The following DDHD1 variants were observed in gnomAD, a reference collection of about 807,000 sequenced individuals.
DDHD1 encodes DDHD domain containing 1.
In DDHD1, 49 loss-of-function variants were observed where a neutral mutation model predicts 96.4. The observed-to-expected ratio is 0.51, with a 90% CI of 0.40 to 0.64. DDHD1 has a LOEUF of 0.64. DDHD1 is among the 30% of genes least tolerant of loss of function. The probability of loss-of-function intolerance (pLI) is 0.00; values close to 1 mark genes in which losing one functional copy is unlikely to be tolerated. For missense variants in DDHD1, 1,106 were observed against 1,161.2 expected, an observed-to-expected ratio of 0.95 and a Z score of 0.69; for synonymous variants, 442 against 446.5, an observed-to-expected ratio of 0.99 and a Z score of 0.13.
At chr14:53,132,042 C>T (rs1189532371) in intron 1 of DDHD1, among the ~76,000 whole-genome samples, 1 of 152,158 alleles carries the variant, frequency 6.6e-6, no homozygotes, top group Non-Finnish European at 1.5e-5. Context: ...GCCATCCTGA[C>T]AAAACCATTA....
Position 53,091,571 on chromosome 14 carries a change from C to T in DDHD1, c.1289+214G>A, listed in dbSNP as rs112916949. ...GGCTTCCTTATCCCTCTTCTCCATA[C>T]TGTGGGGAGAAAGATCAAACATTGT... On this transcript the variant is annotated intron_variant, in intron 4 of 12. Coordinates refer to ENST00000673822, the MANE Select transcript of DDHD1 (RefSeq NM_001160148.2). 6.4e-3 allele frequency among the ~76,000 whole-genome samples: 970 copies of T among 152,294 alleles called. 15 individuals are homozygous for T. Among genetic ancestry groups the T allele is most frequent in the African/African-American group, 0.022 (916 of 41,570 alleles).
At chr14:53,063,525 A>T (rs1203007845) in intron 6 of DDHD1, among the ~76,000 whole-genome samples, 2 of 151,750 alleles carry the variant, frequency 1.3e-5, no homozygotes, top group Non-Finnish European at 2.9e-5. Flanking sequence ...TACCAATAAG[A>T]TTTTCAAAGA....
intron 2 of DDHD1, among the ~76,000 whole-genome samples, chr14:53,094,172 G>A (rs564364917): frequency 3.9e-4 from 58 of 148,968 alleles, no homozygotes; most frequent in African/African-American, 1.3e-3. Context: ...GCAAGACTCC[G>A]TCTAAAAAAA....
At chr14:53,148,577 T>C (rs1220486356) in intron 1 of DDHD1, among the ~76,000 whole-genome samples, 1 of 151,784 alleles carries the variant, frequency 6.6e-6, no homozygotes, top group Non-Finnish European at 1.5e-5. Flanking sequence ...CCTCCCAAAG[T>C]GCTGGGATTA....
chr14:53,116,496 A>C (rs1888552800), intron 1 of DDHD1, among the ~76,000 whole-genome samples: 2 of 152,304 alleles, frequency 1.3e-5, no homozygotes, highest in South Asian at 2.1e-4. Flanking sequence ...CAACAAATGC[A>C]AAAGAATGGA....
chr14:53,084,512 T>C (rs761675868), intron 4 of DDHD1, among the ~76,000 whole-genome samples: 2 of 152,176 alleles, frequency 1.3e-5, no homozygotes, highest in Admixed American at 6.5e-5. Flanking sequence ...TCACGGGAAG[T>C]AATACATAAT....
chr14:53,084,397 T>C (rs952393412), intron 4 of DDHD1, among the ~76,000 whole-genome samples: 1 of 152,188 alleles, frequency 6.6e-6, no homozygotes, highest in African/African-American at 2.4e-5. Flanking sequence ...AACTGATACC[T>C]TCTTATTTAT....
At chr14:53,055,190 C>T (rs906865755) in intron 10 of DDHD1, among the ~76,000 whole-genome samples, 3 of 152,154 alleles carry the variant, frequency 2.0e-5, no homozygotes, top group Admixed American at 6.5e-5. Flanking sequence ...AAACATTGTG[C>T]CAGTACTGGA....
In DDHD1 at chr14:53,105,794, T is replaced by C. The variant is rs192454561; in HGVS notation, c.839-1938A>G. On this transcript the variant is annotated intron_variant, in intron 1 of 12. Transcript: ENST00000673822. ...TTTATGTTTACTAATATGATTGACA[T>C]ATTTGAACTCAACTCTATCTTTATA... Among the ~76,000 whole-genome samples the C allele has an allele frequency of 1.3e-3, 199 of 152,336 alleles. 3 individuals are homozygous for C. The highest frequency in any genetic ancestry group is 4.6e-3 in the African/African-American group (193 of 41,580).
chr14:53,123,572 T>C (rs1416891599), intron 1 of DDHD1, among the ~76,000 whole-genome samples: 1 of 152,136 alleles, frequency 6.6e-6, no homozygotes, highest in Non-Finnish European at 1.5e-5. Context: ...CTATGCACAG[T>C]AAAAACAAAT....
intron 1 of DDHD1, among the ~76,000 whole-genome samples, chr14:53,127,436 G>C (rs1477780182): frequency 6.6e-6 from 1 of 152,148 alleles, no homozygotes; most frequent in South Asian, 2.1e-4. Flanking sequence ...TTACAATGGG[G>C]ATTAATAAAA....
chr14:53,125,332 T>C (rs1013784073), intron 1 of DDHD1, among the ~76,000 whole-genome samples: 4 of 152,208 alleles, frequency 2.6e-5, no homozygotes, highest in Non-Finnish European at 5.9e-5. Context: ...GAATTTTATA[T>C]GCTTAGGGAA....
chr14:53,080,265 G>A (rs1303272095), intron 4 of DDHD1, among the ~76,000 whole-genome samples: 5 of 152,124 alleles, frequency 3.3e-5, no homozygotes, highest in Non-Finnish European at 5.9e-5. Context: ...GGAGGCTGAG[G>A]CAGAAGAATT....
intron 1 of DDHD1, among the ~76,000 whole-genome samples, chr14:53,137,130 T>C (rs977943979): frequency 2.0e-5 from 3 of 151,570 alleles, no homozygotes; most frequent in Admixed American, 6.6e-5. Context: ...AAATACAATA[T>C]AAAAAATAAA....
At position 53,064,341 on chromosome 14, in the gene DDHD1, T is replaced by C. The variant is rs577642882; in HGVS notation, c.1504-1136A>G. Among the ~76,000 whole-genome samples, 132 of 152,188 alleles carry C rather than the reference T, an allele frequency of 8.7e-4. 1 individual carries two copies. Among genetic ancestry groups the C allele is most frequent in the Middle Eastern group, 3.4e-3 (1 of 294 alleles). ...GACCTTGATTTTAAGACTTGTACCA[T>C]GTAAATCTCAAAGCACTAAAAGATA... On this transcript the variant is annotated intron_variant, in intron 6 of 12. Coordinates refer to ENST00000673822, the MANE Select transcript of DDHD1 (RefSeq NM_001160148.2).
chr14:53,093,589 T>TA (rs901887263), intron 2 of DDHD1, 145 bp from the exon 3 acceptor site: 14 of 1,069,924 alleles, frequency 1.3e-5, no homozygotes, highest in Non-Finnish European at 1.8e-5. Context: ...CTATTTCACA[T>TA]AAAAAAAGTT....
Position 53,152,531 on chromosome 14 carries a change from T to C in DDHD1, c.568A>G (p.Ile190Val). 1.9e-6 allele frequency: 3 copies of C among 1,613,456 alleles called. No individual in the cohort carries two copies. The highest frequency in any genetic ancestry group is 1.6e-4 in the Middle Eastern group (1 of 6,062). Residue 190 changes from isoleucine to valine, a missense_variant, in exon 1 of 13, where the codon ATC becomes GTC. Physicochemically the swap from Ile to Val is conservative, Grantham distance 29. Coordinates refer to ENST00000673822, the MANE Select transcript of DDHD1 (RefSeq NM_001160148.2). ...AGCAGGGTCCGGAAGGCGAGCTCGA[T>C]GCGGAGCGAGTCGTAGCCGATGAAG... The part of the protein sequence containing the change: ...KPFIGYDSLR[I>V]ELAFRTLLQT...
intron 1 of DDHD1, among the ~76,000 whole-genome samples, chr14:53,128,622 A>G (rs1426840800): frequency 6.6e-6 from 1 of 152,242 alleles, no homozygotes; most frequent in African/African-American, 2.4e-5. Context: ...TAGGAGCATA[A>G]GAAATTAAGT....
intron 2 of DDHD1, among the ~76,000 whole-genome samples, chr14:53,095,764 A>G (rs1372099114): frequency 2.6e-5 from 4 of 152,174 alleles, no homozygotes; most frequent in Non-Finnish European, 5.9e-5. Flanking sequence ...AAGCTCTTAT[A>G]TGTTTCTAAA....
Sources: allele counts gnomAD v4.1 joint callset (sites outside exome capture counted in the v4.1 genomes callset), GRCh38; gene constraint gnomAD v4.1.1; transcripts MANE v1.5; gene names NCBI Gene and HGNC (gene_info 2026-07-23, HGNC 2026-07-21).